Variants in CAPN14 observed in about 807,000 individuals in gnomAD.
CAPN14 encodes calpain-14.
In CAPN14, 94 loss-of-function variants were observed where a neutral mutation model predicts 101.3. That is an observed-to-expected ratio of 0.93 (90% CI 0.79 to 1.10). The LOEUF (loss-of-function observed/expected upper bound fraction) is 1.10, where lower values mean the gene tolerates loss of function less well. CAPN14 is among the 50% of genes least tolerant of loss of function. The pLI, the probability that CAPN14 is intolerant of heterozygous loss-of-function variation, is 0.00. For missense variants in CAPN14, 837 were observed against 828.4 expected (o/e 1.01, Z -0.13); for synonymous variants, 338 against 317.9 (o/e 1.06, Z -0.67).
At chr2:31,219,076 G>C (rs999031188), upstream of CAPN14, among the ~76,000 whole-genome samples, 6 of 152,056 alleles carry the variant, frequency 3.9e-5, no homozygotes, top group African/African-American at 1.4e-4. Flanking sequence ...CAGGTGGGGG[G>C]CTTCCGCTCA....
At chr2:31,202,996 T>TCAAC in intron 3 of CAPN14, 74 bp downstream of exon 3, 1 of 1,306,644 alleles carries the variant, frequency 7.7e-7, no homozygotes, top group Non-Finnish European at 1.1e-6. Flanking sequence ...CTCTTCTTTA[T>TCAAC]CAACCACTCT....
intron 19 of CAPN14, among the ~76,000 whole-genome samples, 163 bp downstream of exon 19, chr2:31,177,583 G>T (rs1680367913): frequency 6.6e-6 from 1 of 152,196 alleles, no homozygotes; most frequent in South Asian, 2.1e-4. Flanking sequence ...TAGGATCACA[G>T]GGACAATCAT....
chr2:31,229,282 C>T (rs993003512), intron 1 of CAPN14, among the ~76,000 whole-genome samples: 5 of 152,066 alleles, frequency 3.3e-5, no homozygotes, highest in African/African-American at 1.2e-4. Context: ...ATGATAGGTT[C>T]ATCAAGGGTC....
intron 12 of CAPN14, among the ~76,000 whole-genome samples, chr2:31,190,170 C>CTCT (rs1681109011): frequency 9.6e-6 from 1 of 104,420 alleles, no homozygotes; most frequent in African/African-American, 5.0e-5. Context: ...TCTCTCTCTG[C>CTCT]CTCCTTTGTT....
At chr2:31,207,573 G>T (rs1220878268) in intron 1 of CAPN14, among the ~76,000 whole-genome samples, 6 of 152,124 alleles carry the variant, frequency 3.9e-5, no homozygotes, top group Non-Finnish European at 7.3e-5. Context: ...TTCGATACCA[G>T]CTGGGGCAAC....
rs1385457574 is a variant in CAPN14, at chr2:31,197,272, T to C, written c.852A>G (p.Glu284=). The change falls in exon 8 of 22, where the codon GAA becomes GAG. Residue 284 remains glutamate (E), a synonymous_variant. Coordinates refer to ENST00000403897, the MANE Select transcript of CAPN14 (RefSeq NM_001145122.2). ...ACCTGTCACTCCAGTCTCCTTTCCA[T>C]TCCACCTTTCCCCAGGGGTTCCGTA... ...VKLRNPWGKV[E]WKGDWSDSSS... is the part of the protein sequence containing the mutation. 10 of 1,551,124 alleles carry C rather than the reference T, an allele frequency of 6.4e-6. No homozygotes were observed. The highest frequency in any genetic ancestry group is 7.9e-6 in the Non-Finnish European group (9 of 1,146,102).
chr2:31,231,505 T>C (rs913010488), intron 1 of CAPN14, among the ~76,000 whole-genome samples: 4 of 152,274 alleles, frequency 2.6e-5, no homozygotes, highest in Non-Finnish European at 5.9e-5. Flanking sequence ...GTATCTTTTT[T>C]GAATATTATC....
At chr2:31,178,789 A>G (rs992567656) in intron 17 of CAPN14, among the ~76,000 whole-genome samples, 1 of 152,112 alleles carries the variant, frequency 6.6e-6, no homozygotes, top group African/African-American at 2.4e-5. Flanking sequence ...ATGAGCCCAG[A>G]GCACAGCAGC....
intron 1 of CAPN14, among the ~76,000 whole-genome samples, chr2:31,208,464 C>T (rs561713668): frequency 6.4e-4 from 98 of 152,306 alleles, no homozygotes; most frequent in South Asian, 3.7e-3. Flanking sequence ...TTCAAGCCTG[C>T]AAATACTACA....
intron 1 of CAPN14, among the ~76,000 whole-genome samples, chr2:31,210,869 T>C (rs1682361891): frequency 6.6e-6 from 1 of 152,234 alleles, no homozygotes; most frequent in Non-Finnish European, 1.5e-5. Context: ...TGCCAAATCA[T>C]AGGTCAACCA....
At position 31,189,922 on chromosome 2, in the gene CAPN14, T is replaced by C. The variant is rs536895803; in HGVS notation, c.1288-444A>G. Among the ~76,000 whole-genome samples, 21 of 152,214 alleles carry C rather than the reference T, an allele frequency of 1.4e-4. No homozygotes were observed. The East Asian group carries it at 3.7e-3, about 27-fold the overall frequency. ...CCCTTCCTGATGCTGCCTCCATGTA[T>C]GTGATATGGCATGACTTATGGACAC... On this transcript the variant is annotated intron_variant, in intron 12 of 21. Transcript: ENST00000403897.
intron 2 of CAPN14, among the ~76,000 whole-genome samples, chr2:31,225,658 T>G (rs1452336918): frequency 6.6e-6 from 1 of 152,178 alleles, no homozygotes; most frequent in Non-Finnish European, 1.5e-5. Flanking sequence ...TTGAATATAG[T>G]TAATTAGATT....
At chr2:31,180,206 T>A (rs1408691071) in intron 17 of CAPN14, among the ~76,000 whole-genome samples, 1 of 152,060 alleles carries the variant, frequency 6.6e-6, no homozygotes, top group Non-Finnish European at 1.5e-5. Context: ...GGTGATGAAA[T>A]GAGCGCTTGG....
intron 9 of CAPN14, 21 bp downstream of exon 9, chr2:31,194,388 C>A (rs1414065886): frequency 6.5e-7 from 1 of 1,539,016 alleles, no homozygotes; most frequent in East Asian, 2.4e-5. Context: ...GGACATTTGT[C>A]CAAGTCCCTA....
At chr2:31,188,695 C>A (rs900252628) in intron 13 of CAPN14, among the ~76,000 whole-genome samples, 1 of 152,164 alleles carries the variant, frequency 6.6e-6, no homozygotes, top group Admixed American at 6.5e-5. Context: ...ACAAAAAGCA[C>A]AAAACCTGGC....
rs377102621 is a variant in CAPN14, at chr2:31,180,656, T to C, written c.1710+280A>G. Among the ~76,000 whole-genome samples, 57 of 152,286 alleles carry C rather than the reference T, an allele frequency of 3.7e-4. 1 individual carries two copies. The highest frequency in any genetic ancestry group is 1.3e-3 in the African/African-American group (55 of 41,560). ...TCATTCCCAGGAAATGAGATTATTGTGATGGATGGCTAATATTGGTCACCT... is the reference window on the plus strand; with the variant it reads ...TCATTCCCAGGAAATGAGATTATTGCGATGGATGGCTAATATTGGTCACCT... On this transcript the variant is annotated intron_variant, in intron 17 of 21. Coordinates refer to ENST00000403897, the MANE Select transcript of CAPN14 (RefSeq NM_001145122.2).
At chr2:31,221,337 A>G (rs1032437133), upstream of CAPN14, among the ~76,000 whole-genome samples, 4 of 152,216 alleles carry the variant, frequency 2.6e-5, no homozygotes, top group Non-Finnish European at 5.9e-5. Flanking sequence ...AGCCATGCCA[A>G]TCAGGGAGGC....
At chr2:31,210,727 A>T (rs1309770150) in intron 1 of CAPN14, among the ~76,000 whole-genome samples, 1 of 151,060 alleles carries the variant, frequency 6.6e-6, no homozygotes, top group African/African-American at 2.5e-5. Context: ...TTCTATGCTT[A>T]ATTATTTTTC....
intron 7 of CAPN14, among the ~76,000 whole-genome samples, chr2:31,198,835 C>G (rs17010977): frequency 0.099 from 15,090 of 152,188 alleles, 1,554 homozygotes; most frequent in African/African-American, 0.26. Context: ...CCGTGCAAAT[C>G]TATCCATTAC....
Sources: gnomAD v4.1 joint callset for allele counts (sites outside exome capture counted in the v4.1 genomes callset) on GRCh38, gnomAD v4.1.1 for gene constraint, MANE v1.5 for transcripts, NCBI Gene and HGNC (gene_info 2026-07-23, HGNC 2026-07-21) for gene names.